Variants in LARS2 observed in about 807,000 individuals in gnomAD.
The protein encoded by LARS2 is leucyl-tRNA synthetase 2, mitochondrial, also known as leucine--tRNA ligase, mitochondrial.
In LARS2, 81 loss-of-function variants were observed where a neutral mutation model predicts 116.6. That is an observed-to-expected ratio of 0.69 (90% confidence interval 0.58 to 0.84). The LOEUF is 0.84. Among genes scored for constraint, LARS2 ranks in the 40% least tolerant of loss-of-function variants. LARS2 has a pLI of 0.00. For missense variants in LARS2, 968 were observed against 1,114.5 expected (o/e 0.87, Z 1.87); for synonymous variants, 396 against 407.2 (o/e 0.97, Z 0.33).
At chr3:45,440,538 C>CGCCG (rs1698887244) in intron 6 of LARS2, among the ~76,000 whole-genome samples, 1 of 152,072 alleles carries the variant, frequency 6.6e-6, no homozygotes. Context: ...CTTACAGGGC[C>CGCCG]GCCGGATGAT....
intron 19 of LARS2, among the ~76,000 whole-genome samples, chr3:45,521,814 G>A (rs749680687): frequency 2.6e-5 from 4 of 151,722 alleles, no homozygotes; most frequent in East Asian, 3.9e-4. Context: ...ATACTTTAAC[G>A]TAACTATTCA....
In LARS2 at chr3:45,547,618, G is replaced by C; in HGVS notation, c.*88G>C. 8.2e-7 allele frequency: 1 copy of C among 1,219,488 alleles called. No individual in the cohort carries two copies. The highest frequency in any genetic ancestry group is 1.2e-6 in the Non-Finnish European group (1 of 864,674). The allele number at this position is 1,219,488 out of a possible 1,614,324, so 75.5% of individuals were successfully genotyped here. A position where few individuals can be genotyped will look rare whatever the true frequency, so the allele number is the denominator to read the frequency against. ...GGGGGCGATGTCTGCTGGCCCAGGG[G>C]AAGGGAAAAGACAAATGTCTTGACT... On this transcript the variant is annotated 3_prime_UTR_variant, in exon 22 of 22. Transcript: ENST00000645846.
rs17576289 is a variant in LARS2 at position 45,417,241 on chromosome 3, A to G, written c.364-241A>G. On this transcript the variant is annotated intron_variant, in intron 4 of 21. Transcript: ENST00000645846. ...GAGACTATAGAAAAGAAGAAAATAAAAAGTACTCATGAAAACACCTCCTCA... is the reference window on the plus strand; with the variant it reads ...GAGACTATAGAAAAGAAGAAAATAAGAAGTACTCATGAAAACACCTCCTCA... Among the ~76,000 whole-genome samples, 17,570 of 152,178 alleles carry G rather than the reference A, an allele frequency of 0.12. 1,333 individuals are homozygous for G. Among genetic ancestry groups the G allele is most frequent in the East Asian group, 0.25 (1,286 of 5,180 alleles).
chr3:45,526,744 T>A (rs1700536881), intron 20 of LARS2, among the ~76,000 whole-genome samples: 2 of 151,838 alleles, frequency 1.3e-5, no homozygotes, highest in South Asian at 4.2e-4. Flanking sequence ...CCTATTCCCA[T>A]CCTCTCCCAG....
intron 19 of LARS2, among the ~76,000 whole-genome samples, chr3:45,521,631 T>A (rs971879650): frequency 2.0e-5 from 3 of 151,872 alleles, no homozygotes; most frequent in Non-Finnish European, 4.4e-5. Flanking sequence ...TAACCAAAAA[T>A]GGTCAAAGCA....
intron 19 of LARS2, among the ~76,000 whole-genome samples, chr3:45,523,531 C>CTT (rs749617499): frequency 7.1e-6 from 1 of 140,262 alleles, no homozygotes; most frequent in African/African-American, 2.6e-5. Context: ...GCTGCTGGAG[C>CTT]TTTTTTTTTT....
At chr3:45,534,990 A>G (rs145593128) in intron 20 of LARS2, among the ~76,000 whole-genome samples, 210 of 152,240 alleles carry the variant, frequency 1.4e-3, no homozygotes, top group Non-Finnish European at 3.5e-4. Flanking sequence ...AATTTTGAGT[A>G]TTTGGAGCCA....
At chr3:45,513,930 G>A (rs1215364898) in intron 16 of LARS2, among the ~76,000 whole-genome samples, 1 of 152,204 alleles carries the variant, frequency 6.6e-6, no homozygotes, top group Non-Finnish European at 1.5e-5. Flanking sequence ...TAGGGGCAAG[G>A]TGTGGTAGCT....
intron 20 of LARS2, among the ~76,000 whole-genome samples, chr3:45,531,240 A>G (rs1468086138): frequency 6.6e-6 from 1 of 151,414 alleles, no homozygotes; most frequent in Non-Finnish European, 1.5e-5. Flanking sequence ...ATGTAGACTG[A>G]TAAAAAACTA....
chr3:45,407,964 A>T (rs1051146525), intron 4 of LARS2, among the ~76,000 whole-genome samples: 1 of 152,230 alleles, frequency 6.6e-6, no homozygotes, highest in Non-Finnish European at 1.5e-5. Context: ...TCTTTTAAAA[A>T]ATATATTTTA....
chr3:45,417,538 C>G lies in LARS2; in HGVS notation c.420C>G (p.Val140=). 6.2e-7 allele frequency: 1 copy of G among 1,613,796 alleles called. No individual in the cohort carries two copies. Among genetic ancestry groups the G allele is most frequent in the East Asian group, 2.2e-5 (1 of 44,874 alleles). The change falls in exon 5 of 22, where the codon GTC becomes GTG. Residue 140 remains valine, a synonymous_variant. Transcript: ENST00000645846. ...GATTGCCTGCTGAAAATGCCGCAGT[C>G]GAGAGGAATCTACATCCACAAAGTT... ...AFGLPAENAA[V]ERNLHPQSWT...
intron 4 of LARS2, among the ~76,000 whole-genome samples, chr3:45,401,311 G>A (rs763954918): frequency 1.3e-5 from 2 of 151,932 alleles, no homozygotes; most frequent in Non-Finnish European, 2.9e-5. Flanking sequence ...AGACCAGCCT[G>A]AGCAATGTAG....
In LARS2 at chr3:45,455,083, C is replaced by G. The variant is rs996666582; in HGVS notation, c.607-3660C>G. Among the ~76,000 whole-genome samples the G allele has an allele frequency of 2.0e-5, 3 of 151,172 alleles. No individual in the cohort carries two copies. In the South Asian group the frequency reaches 6.3e-4, roughly 32 times the overall value. On this transcript the variant is annotated intron_variant, in intron 7 of 21. Transcript: ENST00000645846. ...TCTTTTGGTGTTTTCCCCCTTCCCC[C>G]CAAGTCTTTCATTAGGGGGATAAAT...
chr3:45,457,681 A>G (rs1699235701), intron 7 of LARS2, among the ~76,000 whole-genome samples: 1 of 152,232 alleles, frequency 6.6e-6, no homozygotes, highest in Non-Finnish European at 1.5e-5. Flanking sequence ...CTCTGTCTCA[A>G]AGAAAAAAAA....
At chr3:45,422,263 T>A (rs1306491580) in intron 6 of LARS2, 2 of 152,222 alleles carry the variant, frequency 1.3e-5, no homozygotes, top group Middle Eastern at 3.2e-3. Flanking sequence ...ACAGGGTATG[T>A]ATGTGAATGG....
chr3:45,475,704 G>A lies in LARS2; in HGVS notation c.859-764G>A, dbSNP rs867005796. On this transcript the variant is annotated intron_variant, in intron 9 of 21. Coordinates refer to ENST00000645846, the MANE Select transcript of LARS2 (RefSeq NM_015340.4). ...TGGGGCAACATAGTGTCTCAGGAAG[G>A]AAGCATCTCAGTCCTACAGGGTAGA... is the stretch of plus-strand genomic sequence containing the variant. Among the ~76,000 whole-genome samples, 39 of 152,356 alleles carry A rather than the reference G, an allele frequency of 2.6e-4. 1 individual carries two copies. The highest frequency in any genetic ancestry group is 6.8e-3 in the Middle Eastern group (2 of 294).
At chr3:45,458,524 C>T (rs1278674634) in intron 7 of LARS2, among the ~76,000 whole-genome samples, 3 of 152,094 alleles carry the variant, frequency 2.0e-5, no homozygotes, top group Admixed American at 2.0e-4. Flanking sequence ...AACCCCATCT[C>T]AACTAAAAAT....
At position 45,400,233 on chromosome 3, in the gene LARS2, G is replaced by GTT. The variant is rs776209261; in HGVS notation, c.235-11_235-10dup. ...AAATGCTTAATAAATACTCATTGTCGTTCTTTCCTAGAAATCGAAGCCAAA... is the reference window on the plus strand; with the variant it reads ...AAATGCTTAATAAATACTCATTGTCGTTTTCTTTCCTAGAAATCGAAGCCAAA... On this transcript the variant is annotated splice_polypyrimidine_tract_variant and intron_variant, in intron 3 of 21. Coordinates refer to ENST00000645846, the MANE Select transcript of LARS2 (RefSeq NM_015340.4). 30 of 1,611,104 alleles carry GTT rather than the reference G, an allele frequency of 1.9e-5. No homozygotes were observed. The highest frequency in any genetic ancestry group is 2.5e-5 in the Non-Finnish European group (29 of 1,178,526).
chr3:45,437,706 C>G (rs1158351947), intron 6 of LARS2, among the ~76,000 whole-genome samples: 1 of 152,154 alleles, frequency 6.6e-6, no homozygotes, highest in Non-Finnish European at 1.5e-5. Context: ...ATTTTGCCTC[C>G]TAGTGGCTGT....
Sources: gnomAD v4.1 joint callset for allele counts (sites outside exome capture counted in the v4.1 genomes callset) on GRCh38, gnomAD v4.1.1 for gene constraint, MANE v1.5 for transcripts, NCBI Gene and HGNC (gene_info 2026-07-23, HGNC 2026-07-21) for gene names.